PTPRD: variants seen among roughly 807,000 people sequenced by gnomAD.
PTPRD encodes receptor-type tyrosine-protein phosphatase delta.
In PTPRD, 34 loss-of-function variants were observed where a neutral mutation model predicts 214.5. The ratio of observed to expected loss-of-function variants is 0.16; its 90% confidence interval spans 0.12 to 0.21. The LOEUF (loss-of-function observed/expected upper bound fraction) is 0.21, where lower values mean the gene tolerates loss of function less well. PTPRD is among the 10% of genes least tolerant of loss of function. The probability of loss-of-function intolerance (pLI) is 1.00; values close to 1 mark genes in which losing one functional copy is unlikely to be tolerated. For missense variants in PTPRD, 2,545 were observed against 2,398.7 expected, an observed-to-expected ratio of 1.06 and a Z score of -1.27; for synonymous variants, 1,128 against 845.7, an observed-to-expected ratio of 1.33 and a Z score of -5.79.
chr9:9,073,028 G>A (rs117672466), intron 10 of PTPRD, among the ~76,000 whole-genome samples: 194 of 152,202 alleles, frequency 1.3e-3, no homozygotes, highest in Admixed American at 2.6e-3. Context: ...AAAACTTAAA[G>A]GACAGCTTTT....
chr9:10,239,910 C>T (rs1023836906), intron 3 of PTPRD, among the ~76,000 whole-genome samples: 4 of 151,736 alleles, frequency 2.6e-5, no homozygotes, highest in African/African-American at 9.7e-5. Context: ...TCCCCAAAGC[C>T]AGCTGTAAAA....
intron 4 of PTPRD, among the ~76,000 whole-genome samples, chr9:9,966,597 C>A (rs2094718516): frequency 6.6e-6 from 1 of 152,110 alleles, no homozygotes; most frequent in Non-Finnish European, 1.5e-5. Context: ...TATCTGAATT[C>A]ACTTAAATAT....
intron 16 of PTPRD, 69 bp downstream of exon 16, chr9:8,527,273 TTAA>T (rs34465399): frequency 0.11 from 162,327 of 1,465,788 alleles, 10,716 homozygotes; most frequent in African/African-American, 0.24. Context: ...ATGCATTTTA[TTAA>T]TAATAATAAT....
At chr9:8,428,220 G>T (rs969443640) in intron 35 of PTPRD, among the ~76,000 whole-genome samples, 1 of 152,100 alleles carries the variant, frequency 6.6e-6, no homozygotes, top group African/African-American at 2.4e-5. Context: ...AGAGAGGTTT[G>T]GACCCAATCT....
chr9:8,715,824 A>G (rs745463635), intron 12 of PTPRD, among the ~76,000 whole-genome samples: 6 of 152,258 alleles, frequency 3.9e-5, no homozygotes, highest in Non-Finnish European at 7.3e-5. Flanking sequence ...AACAAAATAG[A>G]TAAGTTTAAA....
At position 8,818,347 on chromosome 9, in the gene PTPRD, A is replaced by G. The variant is rs1600779334; in HGVS notation, c.-103-84401T>C. 2.0e-5 allele frequency among the ~76,000 whole-genome samples: 3 copies of G among 152,322 alleles called. No individual in the cohort carries two copies. In the East Asian group the frequency reaches 5.8e-4, roughly 29 times the overall value. ...GTTTTAGCGGATAGGCAGAGAGATA[A>G]AAGAAGAAAATAGGGTTAATTTGGT... On this transcript the variant is annotated intron_variant, in intron 11 of 45. Coordinates refer to ENST00000381196, the MANE Select transcript of PTPRD (RefSeq NM_002839.4).
intron 14 of PTPRD, among the ~76,000 whole-genome samples, chr9:8,530,615 A>C (rs1052088504): frequency 4.6e-5 from 7 of 152,074 alleles, no homozygotes; most frequent in African/African-American, 7.2e-5. Context: ...CTGGGTTTCC[A>C]GATTTTAAGA....
At chr9:10,290,430 C>A (rs1189093940) in intron 3 of PTPRD, among the ~76,000 whole-genome samples, 1 of 152,106 alleles carries the variant, frequency 6.6e-6, no homozygotes, top group African/African-American at 2.4e-5. Flanking sequence ...GAATGTCAGA[C>A]ATTTGCTTTC....
chr9:9,914,181 C>T (rs908505345), intron 5 of PTPRD, among the ~76,000 whole-genome samples: 1 of 152,158 alleles, frequency 6.6e-6, no homozygotes, highest in Non-Finnish European at 1.5e-5. Flanking sequence ...GCAGCTAATA[C>T]ACCCCCAGAC....
At chr9:10,405,319 T>G (rs1255192937) in intron 2 of PTPRD, among the ~76,000 whole-genome samples, 1 of 151,718 alleles carries the variant, frequency 6.6e-6, no homozygotes, top group Non-Finnish European at 1.5e-5. Context: ...TCGTTTAAAA[T>G]AATTATCTTG....
intron 8 of PTPRD, among the ~76,000 whole-genome samples, chr9:9,509,694 T>C (rs374931406): frequency 1.3e-5 from 2 of 151,680 alleles, no homozygotes; most frequent in African/African-American, 4.8e-5. Flanking sequence ...GCTATCTTCA[T>C]TGTGGCAGTG....
chr9:9,806,776 T>C (rs1443381601), intron 5 of PTPRD, among the ~76,000 whole-genome samples: 1 of 152,128 alleles, frequency 6.6e-6, no homozygotes, highest in Non-Finnish European at 1.5e-5. Flanking sequence ...GGCTCAAGCA[T>C]GCACACTAAG....
intron 2 of PTPRD, among the ~76,000 whole-genome samples, chr9:10,488,949 C>A (rs938359419): frequency 6.6e-6 from 1 of 152,104 alleles, no homozygotes; most frequent in Non-Finnish European, 1.5e-5. Flanking sequence ...GTGCTCTACC[C>A]CACTGTATCT....
At chr9:9,806,840 C>A (rs1234517457) in intron 5 of PTPRD, among the ~76,000 whole-genome samples, 1 of 152,052 alleles carries the variant, frequency 6.6e-6, no homozygotes, top group African/African-American at 2.4e-5. Flanking sequence ...GAACACTGAA[C>A]AGGTAAGAGA....
chr9:9,138,656 A>G (rs969510081), intron 10 of PTPRD, among the ~76,000 whole-genome samples: 1 of 152,156 alleles, frequency 6.6e-6, no homozygotes, highest in African/African-American at 2.4e-5. Flanking sequence ...TTTAAGGTAC[A>G]TTCTTTAACT....
chr9:8,977,298 G>C (rs16928703), intron 11 of PTPRD, among the ~76,000 whole-genome samples: 30,025 of 151,884 alleles, frequency 0.2, 3,240 homozygotes, highest in Non-Finnish European at 0.24. Context: ...GCATAACTTG[G>C]ATCCTATCAT....
intron 10 of PTPRD, among the ~76,000 whole-genome samples, chr9:9,139,340 T>C (rs1412990163): frequency 6.6e-6 from 1 of 152,170 alleles, no homozygotes. Flanking sequence ...AAAAAATTGA[T>C]TTTCTTATAA....
intron 11 of PTPRD, among the ~76,000 whole-genome samples, chr9:8,819,094 A>C (rs1335481436): frequency 1.3e-5 from 2 of 152,188 alleles, no homozygotes; most frequent in Non-Finnish European, 2.9e-5. Context: ...AATTAAAAAC[A>C]TAAAAATGTA....
intron 31 of PTPRD, among the ~76,000 whole-genome samples, chr9:8,469,147 G>A (rs928927450): frequency 6.6e-6 from 1 of 151,950 alleles, no homozygotes; most frequent in Non-Finnish European, 1.5e-5. Flanking sequence ...TGATTAAAAT[G>A]ACCCTTTGTT....
Sources: gnomAD v4.1 joint callset for allele counts (sites outside exome capture counted in the v4.1 genomes callset) on GRCh38, gnomAD v4.1.1 for gene constraint, MANE v1.5 for transcripts, NCBI Gene and HGNC (gene_info 2026-07-23, HGNC 2026-07-21) for gene names.